Variants in FAM118A observed in about 807,000 individuals in gnomAD.
FAM118A encodes the protein SIR2 antiphage like 2.
Under a neutral mutation model 38.2 loss-of-function variants are expected in FAM118A, and 25 were observed. The ratio of observed to expected loss-of-function variants is 0.65; its 90% confidence interval spans 0.48 to 0.91. The LOEUF (loss-of-function observed/expected upper bound fraction) is 0.91. FAM118A is among the 40% of genes least tolerant of loss of function. The pLI is 0.00. For missense variants in FAM118A, 425 were observed against 463.3 expected, an observed-to-expected ratio of 0.92 and a Z score of 0.76; for synonymous variants, 178 against 184.1, an observed-to-expected ratio of 0.97 and a Z score of 0.27.
Position 45,332,638 on chromosome 22 carries a change from G to T in FAM118A, c.865G>T (p.Gly289Trp). ...GCACGGAATCAAAGTTGTATCCTAC[G>T]GGGACTGTTTTGACCACTTTCCAGG... ...LLHGIKVVSYGDCFDHFPGYV... is the reference protein window; with the variant it reads ...LLHGIKVVSYWDCFDHFPGYV... The change falls in exon 6 of 9, where the codon GGG becomes TGG. Residue 289 changes from glycine (G) to tryptophan (W), a missense_variant. Transcript: ENST00000441876. 1 of 1,614,198 alleles carries T rather than the reference G, an allele frequency of 6.2e-7. No homozygotes were observed. Among genetic ancestry groups the T allele is most frequent in the East Asian group, 2.2e-5 (1 of 44,894 alleles).
chr22:45,320,552 C>T (rs2084817260), intron 1 of FAM118A, among the ~76,000 whole-genome samples: 1 of 151,908 alleles, frequency 6.6e-6, no homozygotes, highest in Non-Finnish European at 1.5e-5. Context: ...TTTTACCATT[C>T]AGCCTTCCAA....
intron 1 of FAM118A, among the ~76,000 whole-genome samples, chr22:45,310,560 G>A (rs1397083781): frequency 6.6e-6 from 1 of 152,132 alleles, no homozygotes; most frequent in Non-Finnish European, 1.5e-5. Context: ...GCGAGACCCC[G>A]GGTCCCCGTG....
chr22:45,324,450 TCA>T (rs2085111843), intron 3 of FAM118A, among the ~76,000 whole-genome samples: 2 of 152,190 alleles, frequency 1.3e-5, no homozygotes, highest in African/African-American at 4.8e-5. Flanking sequence ...ACCACTGAAG[TCA>T]CATACACCGC....
At chr22:45,312,814 C>T (rs1056825252) in intron 1 of FAM118A, among the ~76,000 whole-genome samples, 4 of 152,140 alleles carry the variant, frequency 2.6e-5, no homozygotes, top group African/African-American at 9.7e-5. Flanking sequence ...TGTGCCCTCC[C>T]CGGGGTGTAC....
chr22:45,319,479 C>T (rs1262160261), intron 1 of FAM118A, among the ~76,000 whole-genome samples: 5 of 152,176 alleles, frequency 3.3e-5, no homozygotes, highest in African/African-American at 9.7e-5. Context: ...GTGTGCAGGC[C>T]GCCTCATCCA....
At chr22:45,311,396 G>C (rs575329226) in intron 1 of FAM118A, among the ~76,000 whole-genome samples, 4 of 152,294 alleles carry the variant, frequency 2.6e-5, no homozygotes, top group East Asian at 1.9e-4. Flanking sequence ...TTTCTTGAAC[G>C]ACTGCACCTG....
At chr22:45,333,760 G>C (rs1407315877) in intron 6 of FAM118A, among the ~76,000 whole-genome samples, 1 of 151,750 alleles carries the variant, frequency 6.6e-6, no homozygotes, top group East Asian at 1.9e-4. Flanking sequence ...GGGATTGCTT[G>C]AGCCCAGGAG....
chr22:45,322,092 C>T, intron 1 of FAM118A: 2 of 1,020,024 alleles, frequency 2.0e-6, no homozygotes, highest in South Asian at 1.5e-5. Context: ...CCACAGAGCC[C>T]ATCCTTCATC....
chr22:45,313,545 A>G (rs1190926656), intron 1 of FAM118A, among the ~76,000 whole-genome samples: 1 of 151,366 alleles, frequency 6.6e-6, no homozygotes, highest in Non-Finnish European at 1.5e-5. Context: ...CTGGTCTTAA[A>G]CTCCCAACCT....
chr22:45,323,038 G>A (rs776218430), intron 2 of FAM118A, 137 bp from the exon 3 acceptor site: 28 of 645,518 alleles, frequency 4.3e-5, no homozygotes, highest in Non-Finnish European at 5.8e-5. Context: ...GCGTCAGAGG[G>A]GACTGTGTGT....
At chr22:45,322,178 A>T (rs1443409021) in intron 1 of FAM118A, 193 bp from the exon 2 acceptor site, 2 of 1,508,588 alleles carry the variant, frequency 1.3e-6, no homozygotes, top group South Asian at 1.2e-5. Flanking sequence ...GATGAGTCTC[A>T]TGAGATGAGG....
Position 45,323,249 on chromosome 22 carries a change from C to T in FAM118A, c.122C>T (p.Ala41Val). ...LLVIGTGVSAAVAPGIPALCS... is the reference protein window; with the variant it reads ...LLVIGTGVSAVVAPGIPALCS... ...GTTATCGGGACTGGCGTCAGCGCAG[C>T]AGTGGCCCCCGGAATCCCTGCCCTT... is the stretch of plus-strand genomic sequence containing the variant. Residue 41 changes from alanine (A) to valine (V), a missense_variant, in exon 3 of 9, where the codon GCA becomes GTA. Physicochemically the swap from Ala to Val is moderately conservative, Grantham distance 64. Transcript: ENST00000441876. 6.2e-7 allele frequency: 1 copy of T among 1,614,218 alleles called. No homozygotes were observed. Among genetic ancestry groups the T allele is most frequent in the Non-Finnish European group, 8.5e-7 (1 of 1,180,022 alleles).
chr22:45,334,937 G>A (rs559208912), intron 6 of FAM118A: 1 of 178,268 alleles, frequency 5.6e-6, no homozygotes, highest in African/African-American at 2.4e-5. Context: ...CTGTCCCACT[G>A]AGCCTCCCTT....
At chr22:45,318,590 T>A (rs1271947841) in intron 1 of FAM118A, 1 of 152,166 alleles carries the variant, frequency 6.6e-6, no homozygotes, top group Admixed American at 6.5e-5. Flanking sequence ...ATTTCTAGAT[T>A]ATTGTGAGAT....
intron 2 of FAM118A, 109 bp from the exon 3 acceptor site, chr22:45,323,066 T>TGC: frequency 2.7e-6 from 3 of 1,130,520 alleles, no homozygotes; most frequent in Non-Finnish European, 2.6e-6. Context: ...TGTGTGTGTG[T>TGC]GTGTGTGTGT....
intron 1 of FAM118A, chr22:45,318,618 G>T (rs1476303559): frequency 6.6e-6 from 1 of 152,184 alleles, no homozygotes; most frequent in Non-Finnish European, 1.5e-5. Flanking sequence ...TGATGTTTAG[G>T]CTGCTGTAAA....
rs1487619077 is a variant in FAM118A, at chr22:45,330,881, T to G, written c.651+150T>G. The G allele has an allele frequency of 4.0e-6, 3 of 755,960 alleles. No homozygotes were observed. In the African/African-American group the frequency reaches 5.4e-5, roughly 14 times the overall value. The allele number at this position is 755,960 out of a possible 1,614,324, so 46.8% of individuals were successfully genotyped here. On this transcript the variant is annotated intron_variant, in intron 5 of 8. Transcript: ENST00000441876. ...CACAGTTGCTGAGGGAGGGGCCACG[T>G]CTCTTGTCCTCGTCTGTGTCTCTGG... is the stretch of plus-strand genomic sequence containing the variant.
chr22:45,321,216 A>C (rs943712274), intron 1 of FAM118A, among the ~76,000 whole-genome samples: 1 of 151,966 alleles, frequency 6.6e-6, no homozygotes, highest in Non-Finnish European at 1.5e-5. Flanking sequence ...TCCTGGGTTC[A>C]AGTGATTCTC....
intron 1 of FAM118A, among the ~76,000 whole-genome samples, chr22:45,318,154 T>C (rs2084690470): frequency 6.6e-6 from 1 of 152,202 alleles, no homozygotes; most frequent in Non-Finnish European, 1.5e-5. Flanking sequence ...CTCTAGCTAC[T>C]CTATGCTAGT....
Sources: gnomAD v4.1 joint callset for allele counts (sites outside exome capture counted in the v4.1 genomes callset) on GRCh38, gnomAD v4.1.1 for gene constraint, MANE v1.5 for transcripts, NCBI Gene and HGNC (gene_info 2026-07-23, HGNC 2026-07-21) for gene names.